LRBA: variants seen among roughly 807,000 people sequenced by gnomAD.
LRBA encodes LPS responsive beige-like anchor protein.
Under a neutral mutation model 330.0 loss-of-function variants are expected in LRBA, and 176 were observed. That is an observed-to-expected ratio of 0.53 (90% CI 0.47 to 0.60). The LOEUF (loss-of-function observed/expected upper bound fraction) is 0.60. LRBA is among the 20% of genes least tolerant of loss of function. The pLI, the probability that LRBA is intolerant of heterozygous loss-of-function variation, is 0.00. For synonymous variants in LRBA, 1,230 were observed against 1,193.0 expected (o/e 1.03, Z -0.64); for missense variants, 3,259 against 3,444.8 (o/e 0.95, Z 1.35).
chr4:150,480,109 C>T (rs1361685276), intron 42 of LRBA, among the ~76,000 whole-genome samples: 2 of 152,148 alleles, frequency 1.3e-5, no homozygotes, highest in Non-Finnish European at 2.9e-5. Flanking sequence ...CTTTCCAGTT[C>T]TTAAATTAGT....
intron 48 of LRBA, among the ~76,000 whole-genome samples, chr4:150,326,436 G>C (rs1441546056): frequency 6.6e-6 from 1 of 152,160 alleles, no homozygotes; most frequent in Non-Finnish European, 1.5e-5. Flanking sequence ...CAAAGTAAAA[G>C]CCATATGTTG....
chr4:150,925,753 T>C (rs1010445551), intron 4 of LRBA, among the ~76,000 whole-genome samples: 2 of 152,168 alleles, frequency 1.3e-5, no homozygotes, highest in African/African-American at 4.8e-5. Flanking sequence ...TAATTTTCTA[T>C]GCTTATGAAT....
At chr4:150,359,231 C>T (rs536342969) in intron 47 of LRBA, among the ~76,000 whole-genome samples, 1 of 152,272 alleles carries the variant, frequency 6.6e-6, no homozygotes, top group South Asian at 2.1e-4. Context: ...GCATCTCTCT[C>T]ATCTATTCAT....
chr4:150,756,313 C>A (rs943128420), intron 35 of LRBA, among the ~76,000 whole-genome samples: 1 of 152,106 alleles, frequency 6.6e-6, no homozygotes, highest in African/African-American at 2.4e-5. Context: ...GGATCACAAG[C>A]AAGCTGGCAA....
At chr4:150,722,250 T>G (rs1169322583) in intron 36 of LRBA, among the ~76,000 whole-genome samples, 3 of 152,126 alleles carry the variant, frequency 2.0e-5, no homozygotes, top group African/African-American at 7.2e-5. Context: ...AATATAAAGA[T>G]AGCAGGCAAA....
intron 47 of LRBA, among the ~76,000 whole-genome samples, chr4:150,404,914 G>A (rs765519635): frequency 1.3e-5 from 2 of 151,930 alleles, no homozygotes; most frequent in Non-Finnish European, 2.9e-5. Context: ...AACAAAATGC[G>A]GTTTACTCTC....
intron 9 of LRBA, among the ~76,000 whole-genome samples, chr4:150,911,992 GCATTCT>G (rs1188431948): frequency 6.6e-6 from 1 of 151,876 alleles, no homozygotes; most frequent in Non-Finnish European, 1.5e-5. Context: ...ACTTTTCATA[GCATTCT>G]CTTATAATTC....
chr4:150,976,011 A>C (rs1411549443), intron 2 of LRBA, among the ~76,000 whole-genome samples: 1 of 151,974 alleles, frequency 6.6e-6, no homozygotes, highest in Non-Finnish European at 1.5e-5. Context: ...AAAATTAAAA[A>C]AATAAAATAA....
intron 37 of LRBA, among the ~76,000 whole-genome samples, chr4:150,609,979 T>C (rs180862511): frequency 6.6e-6 from 1 of 152,284 alleles, no homozygotes; most frequent in African/African-American, 2.4e-5. Flanking sequence ...TCCAAGGATG[T>C]AAGACTCTGT....
At chr4:150,548,200 G>T (rs1766081572) in intron 40 of LRBA, among the ~76,000 whole-genome samples, 1 of 152,056 alleles carries the variant, frequency 6.6e-6, no homozygotes, top group Non-Finnish European at 1.5e-5. Flanking sequence ...ATAATCAGCA[G>T]TCACTCTTCT....
At chr4:150,359,936 C>T (rs1318330568) in intron 47 of LRBA, among the ~76,000 whole-genome samples, 1 of 150,890 alleles carries the variant, frequency 6.6e-6, no homozygotes, top group Non-Finnish European at 1.5e-5. Context: ...GCCAAGATCA[C>T]ACCACTGTAC....
At chr4:150,697,352 C>G (rs200623754) in intron 36 of LRBA, among the ~76,000 whole-genome samples, 2 of 32,706 alleles carry the variant, frequency 6.1e-5, no homozygotes, top group Non-Finnish European at 1.5e-4. Context: ...AAAAAAAAAA[C>G]AGGGAGAGTT....
In LRBA at chr4:150,401,206, C is replaced by T. The variant is rs545967096; in HGVS notation, c.7194+14232G>A. Among the ~76,000 whole-genome samples, 20 of 152,344 alleles carry T rather than the reference C, an allele frequency of 1.3e-4. 1 individual carries two copies. The highest frequency in any genetic ancestry group is 7.8e-4 in the Admixed American group (12 of 15,306). On this transcript the variant is annotated intron_variant, in intron 47 of 56. Coordinates refer to ENST00000651943, the MANE Select transcript of LRBA (RefSeq NM_001364905.1). ...ACAGATCCTTCTCTATCGCCTTCAG[C>T]GGGAGAATGGCCCTGCTGACTCCAT...
intron 40 of LRBA, among the ~76,000 whole-genome samples, chr4:150,547,458 C>T (rs1024562332): frequency 6.6e-6 from 1 of 152,118 alleles, no homozygotes; most frequent in Non-Finnish European, 1.5e-5. Context: ...AAGTATTGTT[C>T]CCGTTATTCT....
chr4:150,645,160 TG>T (rs1291892512), intron 37 of LRBA, among the ~76,000 whole-genome samples: 2 of 149,120 alleles, frequency 1.3e-5, no homozygotes, highest in African/African-American at 2.5e-5. Flanking sequence ...ATCTTAACAG[TG>T]GTAAGGTTTT....
rs542490154 is a variant in LRBA, at chr4:150,449,186, C to T, written c.6781-12322G>A. ...AAGAGTACGAGCAAAACTAATCTAC[C>T]GCAGGAAAAGGGATAGAAAATCCTG... is the stretch of plus-strand genomic sequence containing the variant. On this transcript the variant is annotated intron_variant, in intron 44 of 56. Transcript: ENST00000651943. 5.3e-5 allele frequency among the ~76,000 whole-genome samples: 8 copies of T among 152,076 alleles called. No individual in the cohort carries two copies. The South Asian group carries it at 1.5e-3, about 28-fold the overall frequency.
At chr4:150,624,970 G>A (rs934397612) in intron 37 of LRBA, among the ~76,000 whole-genome samples, 1 of 152,204 alleles carries the variant, frequency 6.6e-6, no homozygotes, top group South Asian at 2.1e-4. Context: ...ATATTGGATT[G>A]TTTGGCTTTT....
chr4:150,348,274 A>T (rs1197715796), intron 48 of LRBA, among the ~76,000 whole-genome samples: 1 of 152,234 alleles, frequency 6.6e-6, no homozygotes, highest in African/African-American at 2.4e-5. Flanking sequence ...TTAACTAGCC[A>T]TGACAAACAG....
chr4:150,404,058 G>A (rs1414690035), intron 47 of LRBA, among the ~76,000 whole-genome samples: 1 of 151,904 alleles, frequency 6.6e-6, no homozygotes, highest in Non-Finnish European at 1.5e-5. Flanking sequence ...CAAACCAGAA[G>A]TATTTTGAAT....
Sources: allele counts gnomAD v4.1 joint callset (sites outside exome capture counted in the v4.1 genomes callset), GRCh38; gene constraint gnomAD v4.1.1; transcripts MANE v1.5; gene names NCBI Gene and HGNC (gene_info 2026-07-23, HGNC 2026-07-21).